Variants in AIM2 observed in about 807,000 individuals in gnomAD.
The protein encoded by AIM2 is absent in melanoma 2.
In AIM2, 30 loss-of-function variants were observed where a neutral mutation model predicts 27.7. The ratio of observed to expected loss-of-function variants is 1.08; its 90% CI spans 0.81 to 1.47. The LOEUF is 1.47. Ranked by LOEUF, AIM2 falls within the 40% of genes most tolerant of loss-of-function variation. AIM2 has a pLI of 0.00. For synonymous variants in AIM2, 141 were observed against 145.3 expected, an observed-to-expected ratio of 0.97 and a Z score of 0.21; for missense variants, 358 against 411.3, an observed-to-expected ratio of 0.87 and a Z score of 1.12.
intron 1 of AIM2, among the ~76,000 whole-genome samples, chr1:159,129,263 C>T (rs1647805511): frequency 6.6e-6 from 1 of 152,146 alleles, no homozygotes; most frequent in Non-Finnish European, 1.5e-5. Flanking sequence ...TACATCTTGA[C>T]CTTGATTTTG....
At chr1:159,142,096 C>G (rs1648125474), upstream of AIM2, among the ~76,000 whole-genome samples, 1 of 152,146 alleles carries the variant, frequency 6.6e-6, no homozygotes, top group Non-Finnish European at 1.5e-5. Context: ...CATCCCAGTC[C>G]AGCTATTCTC....
At chr1:159,108,300 A>C (rs1657495084) in intron 1 of AIM2, among the ~76,000 whole-genome samples, 1 of 152,238 alleles carries the variant, frequency 6.6e-6, no homozygotes, top group African/African-American at 2.4e-5. Flanking sequence ...AAATCACATG[A>C]TAATCTCAAT....
At chr1:159,143,326 A>G (rs748578833), upstream of AIM2, among the ~76,000 whole-genome samples, 2 of 152,154 alleles carry the variant, frequency 1.3e-5, no homozygotes, top group Non-Finnish European at 2.9e-5. Flanking sequence ...TCTACGACCT[A>G]GAGATGGGAG....
chr1:159,114,695 G>C (rs1481057195), intron 1 of AIM2, among the ~76,000 whole-genome samples: 1 of 152,176 alleles, frequency 6.6e-6, no homozygotes, highest in Non-Finnish European at 1.5e-5. Context: ...GGGTGACACA[G>C]GGAGACCCTG....
chr1:159,101,454 T>C (rs560649717), intron 1 of AIM2, among the ~76,000 whole-genome samples: 44 of 152,250 alleles, frequency 2.9e-4, no homozygotes, highest in African/African-American at 1.0e-3. Flanking sequence ...ACTAATACGG[T>C]AAATTGGTAC....
intron 1 of AIM2, among the ~76,000 whole-genome samples, chr1:159,133,242 A>G (rs1309340476): frequency 6.6e-6 from 1 of 152,086 alleles, no homozygotes; most frequent in Non-Finnish European, 1.5e-5. Context: ...CAGAAACTCA[A>G]GTATCTCCCA....
At chr1:159,100,932 G>A (rs1657298448) in intron 1 of AIM2, among the ~76,000 whole-genome samples, 1 of 152,198 alleles carries the variant, frequency 6.6e-6, no homozygotes, top group Non-Finnish European at 1.5e-5. Flanking sequence ...TAGCTACATG[G>A]CTTCCAGATC....
At chr1:159,134,233 C>A (rs1471122180) in intron 1 of AIM2, among the ~76,000 whole-genome samples, 4 of 152,228 alleles carry the variant, frequency 2.6e-5, no homozygotes, top group Non-Finnish European at 5.9e-5. Context: ...ATTATCACCC[C>A]CTTAATCCTG....
At chr1:159,078,638 G>A (rs917447080), upstream of AIM2, among the ~76,000 whole-genome samples, 9 of 152,180 alleles carry the variant, frequency 5.9e-5, no homozygotes, top group Non-Finnish European at 1.3e-4. Flanking sequence ...AGAGAGACAA[G>A]TACTCATCGT....
intron 5 of AIM2, 92 bp from the exon 6 acceptor site, chr1:159,062,810 T>TTG: frequency 8.6e-7 from 1 of 1,160,718 alleles, no homozygotes; most frequent in South Asian, 1.3e-5. Flanking sequence ...GAAGTGTATG[T>TTG]ATCATCTTCT....
At chr1:159,126,688 A>G (rs1163513457) in intron 1 of AIM2, among the ~76,000 whole-genome samples, 2 of 152,132 alleles carry the variant, frequency 1.3e-5, no homozygotes, top group Non-Finnish European at 2.9e-5. Flanking sequence ...TACTTTGGAA[A>G]GCAAGAAAGC....
intron 2 of AIM2, among the ~76,000 whole-genome samples, chr1:159,071,233 A>G (rs1656346956): frequency 6.6e-6 from 1 of 152,188 alleles, no homozygotes. Context: ...GGTATCTTCT[A>G]CCTTCCATGA....
intron 1 of AIM2, among the ~76,000 whole-genome samples, chr1:159,116,448 G>A (rs889864007): frequency 6.6e-6 from 1 of 152,124 alleles, no homozygotes. Context: ...GTCCAACAAT[G>A]ATAGACTGGA....
chr1:159,146,334 C>T (rs950377783), intron 1 of AIM2, among the ~76,000 whole-genome samples: 3 of 152,000 alleles, frequency 2.0e-5, no homozygotes, highest in Non-Finnish European at 4.4e-5. Context: ...CTCCCTTATC[C>T]TCCTTAGAAT....
chr1:159,067,290 T>G (rs1308746442), intron 3 of AIM2, among the ~76,000 whole-genome samples: 1 of 152,232 alleles, frequency 6.6e-6, no homozygotes, highest in African/African-American at 2.4e-5. Flanking sequence ...CTTCTCTGTG[T>G]TTTTTATTTT....
chr1:159,092,588 G>A (rs1275821535), intron 1 of AIM2, among the ~76,000 whole-genome samples: 2 of 152,154 alleles, frequency 1.3e-5, no homozygotes, highest in Admixed American at 1.3e-4. Flanking sequence ...GAATCCTCAT[G>A]TCCTAAGTAT....
intron 1 of AIM2, among the ~76,000 whole-genome samples, chr1:159,138,714 C>G (rs1648056645): frequency 6.6e-6 from 1 of 152,198 alleles, no homozygotes; most frequent in Admixed American, 6.5e-5. Flanking sequence ...TAATCTCTTT[C>G]TCTTTCCTAT....
At chr1:159,112,804 T>C (rs1468641155) in intron 1 of AIM2, among the ~76,000 whole-genome samples, 1 of 152,100 alleles carries the variant, frequency 6.6e-6, no homozygotes, top group African/African-American at 2.4e-5. Flanking sequence ...GAAAAATGTT[T>C]AAAGCCACAT....
At chr1:159,062,419 C>T (rs1655865714), downstream of AIM2, 2 of 501,610 alleles carry the variant, frequency 4.0e-6, no homozygotes, top group Non-Finnish European at 7.1e-6. Flanking sequence ...TCATATAATA[C>T]ATTGATAAAG....
Sources: gnomAD v4.1 joint callset for allele counts (sites outside exome capture counted in the v4.1 genomes callset) on GRCh38, gnomAD v4.1.1 for gene constraint, MANE v1.5 for transcripts, NCBI Gene and HGNC (gene_info 2026-07-23, HGNC 2026-07-21) for gene names.